The following PDHA2 variants were observed in gnomAD, a reference collection of about 807,000 sequenced individuals.
PDHA2 encodes pyruvate dehydrogenase E1 subunit alpha 2.
For synonymous variants in PDHA2, 188 were observed against 185.9 expected (o/e 1.01, Z -0.09); for missense variants, 533 against 495.8 (o/e 1.07, Z -0.71).
Position 95,841,279 on chromosome 4 carries a change from G to C in PDHA2, c.1129G>C (p.Gly377Arg). 2 of 1,614,048 alleles carry C rather than the reference G, an allele frequency of 1.2e-6. No individual in the cohort carries two copies. The highest frequency in any genetic ancestry group is 1.7e-6 in the Non-Finnish European group (2 of 1,179,994). Residue 377 changes from glycine (G) to arginine (R), a missense_variant, in exon 1 of 1, where the codon GGT becomes CGT. By Grantham distance (125) the Gly-to-Arg change is moderately radical. Coordinates refer to ENST00000295266, the MANE Select transcript of PDHA2 (RefSeq NM_005390.5). The stretch of plus-strand genomic sequence containing the variant: ...CAGTGATTCATCTTTTGAAGTTCGT[G>C]GTGCAAATCCATGGATCAAGTTTAA... ...YSSDSSFEVR[G>R]ANPWIKFKSV...
Position 95,840,348 on chromosome 4 carries a change from G to C in PDHA2, c.198G>C (p.Met66Ile). 1 of 1,614,246 alleles carries C rather than the reference G, an allele frequency of 6.2e-7. No individual in the cohort carries two copies. Among genetic ancestry groups the C allele is most frequent in the African/African-American group, 1.3e-5 (1 of 75,068 alleles). ...RAEGLKYYRM[M>I]LTVRRMELKA... ...AGGGGCTTAAATACTACAGGATGAT[G>C]CTGACTGTTCGCCGCATGGAATTGA... is the stretch of plus-strand genomic sequence containing the variant. The change falls in exon 1 of 1, where the codon ATG becomes ATC. Residue 66 changes from methionine to isoleucine, a missense_variant. Transcript: ENST00000295266.
Position 95,840,460 on chromosome 4 carries a change from G to A in PDHA2, c.310G>A (p.Ala104Thr), listed in dbSNP as rs752243226. 1.9e-6 allele frequency: 3 copies of A among 1,614,052 alleles called. No homozygotes were observed. The highest frequency in any genetic ancestry group is 2.5e-6 in the Non-Finnish European group (3 of 1,180,042). Residue 104 changes from alanine (A) to threonine (T), a missense_variant, in exon 1 of 1, where the codon GCC becomes ACC. Ala to Thr is a moderately conservative substitution (Grantham distance 58). Coordinates refer to ENST00000295266, the MANE Select transcript of PDHA2 (RefSeq NM_005390.5). ...GQEACCVGLE[A>T]GINPSDHVIT... Reference sequence around the variant, plus strand: ...GGAAGCTTGTTGCGTGGGCCTTGAGGCCGGCATAAACCCCTCGGATCACGT... The same window carrying A: ...GGAAGCTTGTTGCGTGGGCCTTGAGACCGGCATAAACCCCTCGGATCACGT...
Position 95,840,338 on chromosome 4 carries a change from A to G in PDHA2, c.188A>G (p.Tyr63Cys), listed in dbSNP as rs886182864. 1.1e-5 allele frequency: 18 copies of G among 1,614,096 alleles called. No homozygotes were observed. The African/African-American group carries it at 2.0e-4, about 18-fold the overall frequency. ...ACTAGGGCGGAGGGGCTTAAATACTACAGGATGATGCTGACTGTTCGCCGC... is the reference window on the plus strand; with the variant it reads ...ACTAGGGCGGAGGGGCTTAAATACTGCAGGATGATGCTGACTGTTCGCCGC... ...VLTRAEGLKYYRMMLTVRRME... is the reference protein window; with the variant it reads ...VLTRAEGLKYCRMMLTVRRME... The change falls in exon 1 of 1, where the codon TAC becomes TGC. Residue 63 changes from tyrosine (Y) to cysteine (C), a missense_variant. By Grantham distance (194) the Tyr-to-Cys change is radical (BLOSUM62 -2). Transcript: ENST00000295266.
Position 95,841,034 on chromosome 4 carries a change from CTGG to C in PDHA2, c.885_887del (p.Gly296del), listed in dbSNP as rs767749674. 214 of 1,613,944 alleles carry C rather than the reference CTGG, an allele frequency of 1.3e-4. 1 individual carries two copies. The highest frequency in any genetic ancestry group is 1.7e-4 in the Non-Finnish European group (200 of 1,180,030). Reference sequence around the variant, plus strand: ...TATCATGGACACAGTATGAGTGATCCTGGAGTCAGTTATCGTACACGAGAAGAA... The same window carrying C: ...TATCATGGACACAGTATGAGTGATCCAGTCAGTTATCGTACACGAGAAGAA... On this transcript the variant is annotated inframe_deletion, in exon 1 of 1. Transcript: ENST00000295266.
Position 95,840,814 on chromosome 4 carries a change from A to T in PDHA2, c.664A>T (p.Asn222Tyr). Reference protein sequence around the residue: ...WKLPCVFICENNLYGMGTSTE... With the variant: ...WKLPCVFICEYNLYGMGTSTE... ...ATTACCTTGTGTTTTCATCTGTGAG[A>T]ATAACCTATATGGAATGGGAACATC... Residue 222 changes from asparagine (N) to tyrosine (Y), a missense_variant, in exon 1 of 1, where the codon AAT becomes TAT. Coordinates refer to ENST00000295266, the MANE Select transcript of PDHA2 (RefSeq NM_005390.5). 2 of 1,614,170 alleles carry T rather than the reference A, an allele frequency of 1.2e-6. No individual in the cohort carries two copies. Among genetic ancestry groups the T allele is most frequent in the Non-Finnish European group, 1.7e-6 (2 of 1,180,026 alleles).
chr4:95,840,776 C>A lies in PDHA2; in HGVS notation c.626C>A (p.Ala209Glu), dbSNP rs371163676. The A allele has an allele frequency of 6.2e-7, 1 of 1,613,974 alleles. No individual in the cohort carries two copies. The highest frequency in any genetic ancestry group is 8.5e-7 in the Non-Finnish European group (1 of 1,180,024). ...QGQIAEAFNM[A>E]ALWKLPCVFI... ...CAGATAGCCGAAGCTTTCAATATGGCAGCTTTATGGAAATTACCTTGTGTT... is the reference window on the plus strand; with the variant it reads ...CAGATAGCCGAAGCTTTCAATATGGAAGCTTTATGGAAATTACCTTGTGTT... Residue 209 changes from alanine to glutamate, a missense_variant, in exon 1 of 1, where the codon GCA becomes GAA. Ala to Glu is a moderately radical substitution (Grantham distance 107). Coordinates refer to ENST00000295266, the MANE Select transcript of PDHA2 (RefSeq NM_005390.5).
Position 95,840,851 on chromosome 4 carries a change from C to T in PDHA2, c.701C>T (p.Ala234Val), listed in dbSNP as rs201115909. Residue 234 changes from alanine (A) to valine (V), a missense_variant, in exon 1 of 1, where the codon GCA becomes GTA. Transcript: ENST00000295266. Reference protein sequence around the residue: ...LYGMGTSTERAAASPDYYKRG... With the variant: ...LYGMGTSTERVAASPDYYKRG... ...GGAATGGGAACATCTACTGAGAGAG[C>T]AGCAGCCAGCCCTGATTACTACAAG... The T allele has an allele frequency of 6.2e-7, 1 of 1,613,998 alleles. No homozygotes were observed. Among genetic ancestry groups the T allele is most frequent in the South Asian group, 1.1e-5 (1 of 91,080 alleles).
rs1282253168 is a variant in PDHA2, at chr4:95,840,363, C to T, written c.213C>T (p.Arg71=). The change falls in exon 1 of 1, where the codon CGC becomes CGT. Residue 71 remains arginine (R), a synonymous_variant. Transcript: ENST00000295266. ...ACAGGATGATGCTGACTGTTCGCCG[C>T]ATGGAATTGAAGGCAGATCAGCTGT... is the stretch of plus-strand genomic sequence containing the variant. ...KYYRMMLTVR[R]MELKADQLYK... is the part of the protein sequence containing the mutation. 6.2e-7 allele frequency: 1 copy of T among 1,614,216 alleles called. No homozygotes were observed. Among genetic ancestry groups the T allele is most frequent in the South Asian group, 1.1e-5 (1 of 91,090 alleles).
Position 95,840,324 on chromosome 4 carries a change from G to A in PDHA2, c.174G>A (p.Glu58=), listed in dbSNP as rs764119507. Residue 58 remains glutamate (E), a synonymous_variant, in exon 1 of 1, where the codon GAG becomes GAA. Transcript: ENST00000295266. ...PPVTTVLTRA[E]GLKYYRMMLT... is the part of the protein sequence containing the mutation. ...TCACTACAGTGCTCACTAGGGCGGA[G>A]GGGCTTAAATACTACAGGATGATGC... is the stretch of plus-strand genomic sequence containing the variant. The A allele has an allele frequency of 1.2e-6, 2 of 1,614,194 alleles. No individual in the cohort carries two copies. The highest frequency in any genetic ancestry group is 8.5e-7 in the Non-Finnish European group (1 of 1,180,046).
At position 95,841,435 on chromosome 4, in the gene PDHA2, G is replaced by C. The variant is rs1005740022; in HGVS notation, c.*118G>C. 1 of 748,498 alleles carries C rather than the reference G, an allele frequency of 1.3e-6. No homozygotes were observed. The highest frequency in any genetic ancestry group is 1.8e-5 in the African/African-American group (1 of 56,448). 46.4% of individuals were successfully genotyped at this position (748,498 alleles called of 1,614,324 possible). A position where few individuals can be genotyped will look rare whatever the true frequency, so the allele number is the denominator to read the frequency against. On this transcript the variant is annotated 3_prime_UTR_variant, in exon 1 of 1. Coordinates refer to ENST00000295266, the MANE Select transcript of PDHA2 (RefSeq NM_005390.5). ...AACTCATAAAACAAAAGCCTTGTAAGCATTTATTAAAAGAGATTATTAAAA... is the reference window on the plus strand; with the variant it reads ...AACTCATAAAACAAAAGCCTTGTAACCATTTATTAAAAGAGATTATTAAAA...
rs1256830271 is a variant in PDHA2 at position 95,840,420 on chromosome 4, C to G, written c.270C>G (p.His90Gln). 4 of 1,614,108 alleles carry G rather than the reference C, an allele frequency of 2.5e-6. No individual in the cohort carries two copies. In the African/African-American group the frequency reaches 4.0e-5, roughly 16 times the overall value. Reference protein sequence around the residue: ...YKQKFIRGFCHLCDGQEACCV... With the variant: ...YKQKFIRGFCQLCDGQEACCV... ...AGAAATTCATTCGCGGTTTCTGTCACCTGTGCGATGGTCAGGAAGCTTGTT... is the reference window on the plus strand; with the variant it reads ...AGAAATTCATTCGCGGTTTCTGTCAGCTGTGCGATGGTCAGGAAGCTTGTT... The change falls in exon 1 of 1, where the codon CAC becomes CAG. Residue 90 changes from histidine (H) to glutamine (Q), a missense_variant. Coordinates refer to ENST00000295266, the MANE Select transcript of PDHA2 (RefSeq NM_005390.5).
Position 95,840,342 on chromosome 4 carries a change from G to A in PDHA2, c.192G>A (p.Arg64=), listed in dbSNP as rs536770621. The part of the protein sequence containing the change: ...LTRAEGLKYY[R]MMLTVRRMEL... Reference sequence around the variant, plus strand: ...GGGCGGAGGGGCTTAAATACTACAGGATGATGCTGACTGTTCGCCGCATGG... The same window carrying A: ...GGGCGGAGGGGCTTAAATACTACAGAATGATGCTGACTGTTCGCCGCATGG... Residue 64 remains arginine, a synonymous_variant, in exon 1 of 1, where the codon AGG becomes AGA. Coordinates refer to ENST00000295266, the MANE Select transcript of PDHA2 (RefSeq NM_005390.5). 1.2e-6 allele frequency: 2 copies of A among 1,614,162 alleles called. No homozygotes were observed. The highest frequency in any genetic ancestry group is 2.7e-5 in the African/African-American group (2 of 75,056).
At position 95,841,156 on chromosome 4, in the gene PDHA2, ATTGG is replaced by A; in HGVS notation, c.1007_1010del (p.Ile336ArgfsTer4). The A allele has an allele frequency of 6.2e-7, 1 of 1,614,150 alleles. No homozygotes were observed. The highest frequency in any genetic ancestry group is 8.5e-7 in the Non-Finnish European group (1 of 1,179,988). ...CGCCACTGTGGAAGAATTAAAGGAA[ATTGG>A]GGCTGAGGTGAGGAAAGAAATTGAT... On this transcript the variant is annotated frameshift_variant, in exon 1 of 1. Coordinates refer to ENST00000295266, the MANE Select transcript of PDHA2 (RefSeq NM_005390.5). LOFTEE classifies it low-confidence loss of function (END_TRUNC).
Position 95,841,061 on chromosome 4 carries a change from A to G in PDHA2, c.911A>G (p.Glu304Gly), listed in dbSNP as rs556988831. Reference sequence around the variant, plus strand: ...GGAGTCAGTTATCGTACACGAGAAGAAATTCAGGAAGTAAGAAGTAAGAGG... The same window carrying G: ...GGAGTCAGTTATCGTACACGAGAAGGAATTCAGGAAGTAAGAAGTAAGAGG... ...DPGVSYRTRE[E>G]IQEVRSKRDP... The change falls in exon 1 of 1, where the codon GAA becomes GGA. Residue 304 changes from glutamate to glycine, a missense_variant. Physicochemically the swap from Glu to Gly is moderately conservative, Grantham distance 98. Transcript: ENST00000295266. 6.2e-7 allele frequency: 1 copy of G among 1,614,182 alleles called. No individual in the cohort carries two copies. The highest frequency in any genetic ancestry group is 1.7e-5 in the Admixed American group (1 of 60,032).
rs1281704703 is a variant in PDHA2 at position 95,840,476 on chromosome 4, C to T, written c.326C>T (p.Ser109Leu). 3.1e-6 allele frequency: 5 copies of T among 1,614,056 alleles called. No individual in the cohort carries two copies. Among genetic ancestry groups the T allele is most frequent in the South Asian group, 1.1e-5 (1 of 91,094 alleles). The change falls in exon 1 of 1, where the codon TCG becomes TTG. Residue 109 changes from serine (S) to leucine (L), a missense_variant. Transcript: ENST00000295266. ...CVGLEAGINP[S>L]DHVITSYRAH... ...GGCCTTGAGGCCGGCATAAACCCCTCGGATCACGTCATTACATCCTATAGG... is the reference window on the plus strand; with the variant it reads ...GGCCTTGAGGCCGGCATAAACCCCTTGGATCACGTCATTACATCCTATAGG...
chr4:95,841,066 C>CAGGAAGT lies in PDHA2; in HGVS notation c.918_924dup (p.Arg309GlyfsTer5). 6.2e-7 allele frequency: 1 copy of CAGGAAGT among 1,614,016 alleles called. No homozygotes were observed. The highest frequency in any genetic ancestry group is 1.3e-5 in the African/African-American group (1 of 74,990). On this transcript the variant is annotated frameshift_variant, in exon 1 of 1. Transcript: ENST00000295266. LOFTEE classifies it low-confidence loss of function (END_TRUNC). ...CAGTTATCGTACACGAGAAGAAATT[C>CAGGAAGT]AGGAAGTAAGAAGTAAGAGGGATCC...
chr4:95,840,436 G>A lies in PDHA2; in HGVS notation c.286G>A (p.Glu96Lys), dbSNP rs267600305. 1.9e-6 allele frequency: 3 copies of A among 1,614,212 alleles called. No individual in the cohort carries two copies. Among genetic ancestry groups the A allele is most frequent in the African/African-American group, 1.3e-5 (1 of 75,066 alleles). The change falls in exon 1 of 1, where the codon GAA becomes AAA. Residue 96 changes from glutamate (E) to lysine (K), a missense_variant. By Grantham distance (56) the Glu-to-Lys change is moderately conservative. Transcript: ENST00000295266. Reference protein sequence around the residue: ...RGFCHLCDGQEACCVGLEAGI... With the variant: ...RGFCHLCDGQKACCVGLEAGI... Reference sequence around the variant, plus strand: ...TTTCTGTCACCTGTGCGATGGTCAGGAAGCTTGTTGCGTGGGCCTTGAGGC... The same window carrying A: ...TTTCTGTCACCTGTGCGATGGTCAGAAAGCTTGTTGCGTGGGCCTTGAGGC...
At position 95,840,344 on chromosome 4, in the gene PDHA2, T is replaced by G; in HGVS notation, c.194T>G (p.Met65Arg). The G allele has an allele frequency of 6.2e-7, 1 of 1,614,166 alleles. No individual in the cohort carries two copies. Among genetic ancestry groups the G allele is most frequent in the Non-Finnish European group, 8.5e-7 (1 of 1,179,976 alleles). ...TRAEGLKYYR[M>R]MLTVRRMELK... ...GCGGAGGGGCTTAAATACTACAGGA[T>G]GATGCTGACTGTTCGCCGCATGGAA... The change falls in exon 1 of 1, where the codon ATG (methionine) becomes AGG (arginine). Residue 65 changes from methionine to arginine, a missense_variant. Transcript: ENST00000295266.
chr4:95,841,431 G>T lies in PDHA2; in HGVS notation c.*114G>T. The T allele has an allele frequency of 1.3e-6, 1 of 771,760 alleles. No individual in the cohort carries two copies. Among genetic ancestry groups the T allele is most frequent in the Non-Finnish European group, 2.1e-6 (1 of 469,438 alleles). The allele number at this position is 771,760 out of a possible 1,614,324, so 47.8% of individuals were successfully genotyped here. ...ATAAAACTCATAAAACAAAAGCCTT[G>T]TAAGCATTTATTAAAAGAGATTATT... is the stretch of plus-strand genomic sequence containing the variant. On this transcript the variant is annotated 3_prime_UTR_variant, in exon 1 of 1. Transcript: ENST00000295266.
Sources: allele counts gnomAD v4.1 joint callset, GRCh38; gene constraint gnomAD v4.1.1; transcripts MANE v1.5; gene names NCBI Gene and HGNC (gene_info 2026-07-23, HGNC 2026-07-21).